Variants in TEKT3 observed in about 807,000 individuals in gnomAD.
The protein encoded by TEKT3 is tektin 3, also known as tektin-3.
Under a neutral mutation model 49.8 loss-of-function variants are expected in TEKT3, and 49 were observed. The observed-to-expected ratio is 0.98, with a 90% CI of 0.78 to 1.25. The LOEUF is 1.25. TEKT3 is among the 50% of genes most tolerant of loss of function. TEKT3 has a pLI of 0.00. For synonymous variants in TEKT3, 225 were observed against 237.2 expected (o/e 0.95, Z 0.47); for missense variants, 595 against 629.5 (o/e 0.95, Z 0.59).
chr17:15,327,665 A>G, intron 4 of TEKT3: 1 of 276,382 alleles, frequency 3.6e-6, no homozygotes, highest in South Asian at 5.7e-5. Flanking sequence ...GTGCCTATCT[A>G]AGAATGATTA....
At chr17:15,319,793 C>T (rs149782471) in intron 4 of TEKT3, among the ~76,000 whole-genome samples, 12 of 152,326 alleles carry the variant, frequency 7.9e-5, no homozygotes, top group Non-Finnish European at 1.5e-4. Context: ...ATGTCAGAGA[C>T]TATTAAATCA....
At chr17:15,311,417 A>T (rs1358248968) in intron 7 of TEKT3, 2 of 152,238 alleles carry the variant, frequency 1.3e-5, no homozygotes, top group East Asian at 3.8e-4. Flanking sequence ...CTGAGCAAGG[A>T]TGACATGCAA....
intron 3 of TEKT3, among the ~76,000 whole-genome samples, chr17:15,330,435 G>A (rs568877804): frequency 3.3e-5 from 5 of 152,178 alleles, no homozygotes; most frequent in Admixed American, 1.3e-4. Flanking sequence ...TCCCTTCGGC[G>A]CTGTTCTCAG....
rs1254159555 is a variant in TEKT3, at chr17:15,308,919, G to T, written c.1102-101C>A. ...CCACTCCATGTCCAGCACGTGCCTT[G>T]ACCTCGCTGATGAGGAAGTTGCTTC... On this transcript the variant is annotated intron_variant, in intron 7 of 8. Coordinates refer to ENST00000395930, the MANE Select transcript of TEKT3 (RefSeq NM_031898.3). 6 of 1,411,410 alleles carry T rather than the reference G, an allele frequency of 4.3e-6. No individual in the cohort carries two copies. The South Asian group carries it at 5.1e-5, about 12-fold the overall frequency. The allele number at this position is 1,411,410 out of a possible 1,614,324, so 87.4% of individuals were successfully genotyped here. A position where few individuals can be genotyped will look rare whatever the true frequency, so the allele number is the denominator to read the frequency against.
intron 4 of TEKT3, among the ~76,000 whole-genome samples, chr17:15,323,573 C>A (rs752724176): frequency 1.8e-4 from 27 of 152,216 alleles, no homozygotes; most frequent in Admixed American, 4.6e-4. Flanking sequence ...CAGCAGAATT[C>A]ATAAGAAAAT....
intron 4 of TEKT3, among the ~76,000 whole-genome samples, chr17:15,320,254 C>A (rs1202020561): frequency 6.6e-6 from 1 of 152,154 alleles, no homozygotes; most frequent in Non-Finnish European, 1.5e-5. Flanking sequence ...CATTTGTTCA[C>A]CATTTGCCTT....
intron 5 of TEKT3, among the ~76,000 whole-genome samples, chr17:15,317,870 C>T (rs948273761): frequency 6.6e-6 from 1 of 151,972 alleles, no homozygotes; most frequent in African/African-American, 2.4e-5. Context: ...AGAGCCCATC[C>T]CCTGGAAGAA....
chr17:15,330,680 A>G (rs1275643280), intron 3 of TEKT3, among the ~76,000 whole-genome samples: 1 of 152,160 alleles, frequency 6.6e-6, no homozygotes, highest in East Asian at 1.9e-4. Context: ...AGTCTCAGGT[A>G]TTTCTTTATA....
chr17:15,328,990 T>C (rs758651635), intron 3 of TEKT3, among the ~76,000 whole-genome samples: 36 of 152,304 alleles, frequency 2.4e-4, no homozygotes, highest in Non-Finnish European at 4.9e-4. Context: ...TAGTATCACT[T>C]ACCAGAAGAA....
chr17:15,337,581 C>T (rs673784), intron 2 of TEKT3, among the ~76,000 whole-genome samples: 14,440 of 152,210 alleles, frequency 0.095, 836 homozygotes, highest in East Asian at 0.22. Context: ...CGGTGGCTCA[C>T]GCCTGTAATC....
In TEKT3 at chr17:15,314,076, G is replaced by C; in HGVS notation, c.878+11C>G. 1 of 1,614,164 alleles carries C rather than the reference G, an allele frequency of 6.2e-7. No homozygotes were observed. The highest frequency in any genetic ancestry group is 8.5e-7 in the Non-Finnish European group (1 of 1,180,012). Reference sequence around the variant, plus strand: ...CATCGAAATCACAGCCGTGGCGTGTGCCTGACTTACGTTGCATCGACCCTC... The same window carrying C: ...CATCGAAATCACAGCCGTGGCGTGTCCCTGACTTACGTTGCATCGACCCTC... On this transcript the variant is annotated intron_variant, in intron 6 of 8. Transcript: ENST00000395930.
chr17:15,308,286 A>ACAC (rs1170840834), intron 8 of TEKT3, among the ~76,000 whole-genome samples: 1 of 152,186 alleles, frequency 6.6e-6, no homozygotes, highest in Non-Finnish European at 1.5e-5. Flanking sequence ...AAGAACCCGA[A>ACAC]CACCACACTG....
At chr17:15,307,334 G>T (rs1407074539) in intron 8 of TEKT3, among the ~76,000 whole-genome samples, 1 of 152,162 alleles carries the variant, frequency 6.6e-6, no homozygotes, top group Admixed American at 6.5e-5. Context: ...TAGAACTCTG[G>T]GGTGAGACAG....
intron 6 of TEKT3, among the ~76,000 whole-genome samples, 198 bp downstream of exon 6, chr17:15,313,888 CA>C (rs1910876583): frequency 6.6e-6 from 1 of 152,168 alleles, no homozygotes; most frequent in African/African-American, 2.4e-5. Flanking sequence ...TATTACTTTA[CA>C]AAAGAATTCA....
intron 4 of TEKT3, among the ~76,000 whole-genome samples, chr17:15,321,648 G>C (rs2150743295): frequency 6.6e-6 from 1 of 152,306 alleles, no homozygotes; most frequent in East Asian, 1.9e-4. Flanking sequence ...GTACATTTAG[G>C]AGCCTGGAAA....
chr17:15,308,805 A>G lies in TEKT3; in HGVS notation c.1115T>C (p.Ile372Thr). 1 of 1,613,772 alleles carries G rather than the reference A, an allele frequency of 6.2e-7. No homozygotes were observed. The highest frequency in any genetic ancestry group is 1.1e-5 in the South Asian group (1 of 91,050). ...TTCTATGGTCATTTCAGTCTGGAAA[A>G]TCTCCTGCAGGGTCTGTGACAAAGA... Reference protein sequence around the residue: ...QTHLAKTLQEIFQTEMTIESI... With the variant: ...QTHLAKTLQETFQTEMTIESI... Residue 372 changes from isoleucine (I) to threonine (T), a missense_variant, in exon 8 of 9, where the codon ATT becomes ACT. Coordinates refer to ENST00000395930, the MANE Select transcript of TEKT3 (RefSeq NM_031898.3).
chr17:15,321,046 A>G (rs187134767), intron 4 of TEKT3, among the ~76,000 whole-genome samples: 32 of 146,542 alleles, frequency 2.2e-4, no homozygotes, highest in Middle Eastern at 7.3e-3. Context: ...GTCTTGCTCT[A>G]TCTCCCAGGC....
In TEKT3 at chr17:15,329,963, T is replaced by G. The variant is rs547552528; in HGVS notation, c.579+1044A>C. Among the ~76,000 whole-genome samples, 37 of 152,292 alleles carry G rather than the reference T, an allele frequency of 2.4e-4. No individual in the cohort carries two copies. The South Asian group carries it at 7.5e-3, about 31-fold the overall frequency. On this transcript the variant is annotated intron_variant, in intron 3 of 8. Transcript: ENST00000395930. ...CTTCTTTCAATGGAGGAGGGTGGAA[T>G]GGGGTTGGAGGGCCCATCGCATAGC... is the stretch of plus-strand genomic sequence containing the variant.
At chr17:15,327,540 G>C (rs529097684) in intron 4 of TEKT3, among the ~76,000 whole-genome samples, 2 of 151,572 alleles carry the variant, frequency 1.3e-5, no homozygotes, top group African/African-American at 4.8e-5. Flanking sequence ...AGTATCTAAT[G>C]ATATGGTAAA....
Sources: gnomAD v4.1 joint callset for allele counts (sites outside exome capture counted in the v4.1 genomes callset) on GRCh38, gnomAD v4.1.1 for gene constraint, MANE v1.5 for transcripts, NCBI Gene and HGNC (gene_info 2026-07-23, HGNC 2026-07-21) for gene names.